The following ZNF385B variants were observed in gnomAD, a reference collection of about 807,000 sequenced individuals.
ZNF385B encodes the protein zinc finger protein 385B.
In ZNF385B, 23 loss-of-function variants were observed where a neutral mutation model predicts 39.2. The observed-to-expected ratio is 0.59, with a 90% CI of 0.42 to 0.83. The LOEUF (loss-of-function observed/expected upper bound fraction) is 0.83, where lower values mean the gene tolerates loss of function less well. Among genes scored for constraint, ZNF385B ranks in the 40% least tolerant of loss-of-function variants. The pLI is 0.00. For missense variants in ZNF385B, 552 were observed against 598.9 expected, an observed-to-expected ratio of 0.92 and a Z score of 0.82; for synonymous variants, 205 against 222.6, an observed-to-expected ratio of 0.92 and a Z score of 0.70.
chr2:179,469,809 CTT>C (rs1335124403), intron 6 of ZNF385B, among the ~76,000 whole-genome samples: 1 of 152,216 alleles, frequency 6.6e-6, no homozygotes, highest in Non-Finnish European at 1.5e-5. Flanking sequence ...TAAAGTCTCT[CTT>C]TGATTAAAAA....
Position 179,609,796 on chromosome 2 carries a change from T to TTGATTTGCAGTTC in ZNF385B, c.299-64840_299-64828dup, listed in dbSNP as rs1480281523. On this transcript the variant is annotated intron_variant, in intron 3 of 9. Coordinates refer to ENST00000410066, the MANE Select transcript of ZNF385B (RefSeq NM_152520.6). ...TTACTGGAGATATTTCATTGCAGTTTTGATTTGCAGTTCTCTGATGATCAA... is the reference window on the plus strand; with the variant it reads ...TTACTGGAGATATTTCATTGCAGTTTTGATTTGCAGTTCTGATTTGCAGTTCTCTGATGATCAA... Among the ~76,000 whole-genome samples the TTGATTTGCAGTTC allele has an allele frequency of 2.0e-5, 3 of 152,358 alleles. No homozygotes were observed. In the East Asian group the frequency reaches 5.8e-4, roughly 29 times the overall value.
chr2:179,489,243 T>C (rs2105636554), intron 5 of ZNF385B, among the ~76,000 whole-genome samples: 1 of 152,326 alleles, frequency 6.6e-6, no homozygotes, highest in Admixed American at 6.5e-5. Context: ...CCTGGGCACA[T>C]ACACTTTTCA....
At position 179,721,676 on chromosome 2, in the gene ZNF385B, T is replaced by G. The variant is rs149565092; in HGVS notation, c.298+47827A>C. ...AAAAAGTATTTAATAAAATGCAATA[T>G]TTTTTATAACAAAAATTGTTAGTAT... On this transcript the variant is annotated intron_variant, in intron 3 of 9. Transcript: ENST00000410066. Among the ~76,000 whole-genome samples, 19 of 150,912 alleles carry G rather than the reference T, an allele frequency of 1.3e-4. No homozygotes were observed. In the South Asian group the frequency reaches 2.3e-3, roughly 18 times the overall value.
At chr2:179,837,039 C>A (rs1251118406) in intron 1 of ZNF385B, among the ~76,000 whole-genome samples, 1 of 152,128 alleles carries the variant, frequency 6.6e-6, no homozygotes, top group Admixed American at 6.5e-5. Flanking sequence ...TGTAAGCCAC[C>A]AGGCTATAAA....
At chr2:179,455,180 A>G (rs1490310268) in intron 6 of ZNF385B, among the ~76,000 whole-genome samples, 3 of 152,084 alleles carry the variant, frequency 2.0e-5, no homozygotes, top group Admixed American at 6.5e-5. Flanking sequence ...GTTTAGATAC[A>G]CAAATGCTTA....
intron 6 of ZNF385B, among the ~76,000 whole-genome samples, chr2:179,483,007 G>A (rs2054168211): frequency 6.6e-6 from 1 of 150,860 alleles, no homozygotes. Context: ...GTCTCTACTT[G>A]TTTTCATGCA....
chr2:179,577,342 A>T (rs1685951045), intron 3 of ZNF385B, among the ~76,000 whole-genome samples: 2 of 152,190 alleles, frequency 1.3e-5, no homozygotes, highest in South Asian at 2.1e-4. Flanking sequence ...TCATTAGAGA[A>T]TACTTGATAT....
At chr2:179,477,482 G>A (rs979294803) in intron 6 of ZNF385B, among the ~76,000 whole-genome samples, 3 of 152,018 alleles carry the variant, frequency 2.0e-5, no homozygotes, top group East Asian at 1.9e-4. Flanking sequence ...GTTACCTCAC[G>A]GTCTCCATAG....
intron 4 of ZNF385B, among the ~76,000 whole-genome samples, chr2:179,535,065 A>C (rs2059477590): frequency 6.6e-6 from 1 of 152,170 alleles, no homozygotes. Flanking sequence ...TATATAGAGA[A>C]GTTTGGGTCT....
intron 5 of ZNF385B, among the ~76,000 whole-genome samples, chr2:179,493,662 TATATGC>T (rs1197989612): frequency 3.2e-5 from 4 of 123,288 alleles, no homozygotes; most frequent in African/African-American, 6.0e-5. Context: ...TACATATATG[TATATGC>T]ATATGCATAT....
intron 3 of ZNF385B, among the ~76,000 whole-genome samples, chr2:179,599,008 T>A (rs1356855454): frequency 2.6e-5 from 4 of 152,168 alleles, no homozygotes; most frequent in African/African-American, 9.7e-5. Context: ...ATTAAAGACA[T>A]TTATTGTGAA....
intron 4 of ZNF385B, among the ~76,000 whole-genome samples, chr2:179,532,289 A>T (rs2059298320): frequency 1.3e-5 from 2 of 152,244 alleles, no homozygotes; most frequent in South Asian, 4.1e-4. Flanking sequence ...CTCTGCCTCT[A>T]TATGTTCTGA....
intron 3 of ZNF385B, among the ~76,000 whole-genome samples, chr2:179,750,724 G>A (rs1702620720): frequency 1.3e-5 from 2 of 151,990 alleles, no homozygotes; most frequent in South Asian, 2.1e-4. Flanking sequence ...TACTAATTAA[G>A]AGGTTTAAAG....
chr2:179,465,738 AT>A (rs1485113532), intron 6 of ZNF385B, among the ~76,000 whole-genome samples: 145 of 152,228 alleles, frequency 9.5e-4, no homozygotes, highest in African/African-American at 3.2e-3. Flanking sequence ...GATCTTGACC[AT>A]TCTAGTCTCT....
At chr2:179,486,911 G>A (rs550735752) in intron 5 of ZNF385B, among the ~76,000 whole-genome samples, 20 of 151,774 alleles carry the variant, frequency 1.3e-4, no homozygotes, top group South Asian at 2.1e-4. Flanking sequence ...ATGAGACTCC[G>A]TCTCAAAAAA....
At chr2:179,576,851 A>G (rs1685879847) in intron 3 of ZNF385B, among the ~76,000 whole-genome samples, 1 of 152,176 alleles carries the variant, frequency 6.6e-6, no homozygotes, top group Non-Finnish European at 1.5e-5. Context: ...AGGCAGTTCA[A>G]CAAACACAGG....
At chr2:179,605,603 G>A (rs1688739122) in intron 3 of ZNF385B, among the ~76,000 whole-genome samples, 1 of 152,016 alleles carries the variant, frequency 6.6e-6, no homozygotes, top group Non-Finnish European at 1.5e-5. Context: ...TGTATGCAGT[G>A]GCAGGCTCTG....
intron 6 of ZNF385B, among the ~76,000 whole-genome samples, chr2:179,457,259 A>G (rs927295936): frequency 6.6e-6 from 1 of 151,998 alleles, no homozygotes; most frequent in African/African-American, 2.4e-5. Flanking sequence ...GTATGCCACT[A>G]TTTATTTATT....
chr2:179,808,829 AC>A (rs1706556741), intron 1 of ZNF385B, among the ~76,000 whole-genome samples: 1 of 152,226 alleles, frequency 6.6e-6, no homozygotes, highest in Non-Finnish European at 1.5e-5. Context: ...TTGCAAAAAA[AC>A]AACAAAACAC....
Sources: gnomAD v4.1 joint callset for allele counts (sites outside exome capture counted in the v4.1 genomes callset) on GRCh38, gnomAD v4.1.1 for gene constraint, MANE v1.5 for transcripts, NCBI Gene and HGNC (gene_info 2026-07-23, HGNC 2026-07-21) for gene names.